Variants in EXOC6B observed in about 807,000 individuals in gnomAD.
EXOC6B encodes SEC15 homolog B.
In EXOC6B, 54 loss-of-function variants were observed where a neutral mutation model predicts 113.5. The ratio of observed to expected loss-of-function variants is 0.48; its 90% CI spans 0.38 to 0.60. The LOEUF is 0.60. EXOC6B is among the 20% of genes least tolerant of loss of function. EXOC6B has a pLI of 0.00. For synonymous variants in EXOC6B, 357 were observed against 339.0 expected (o/e 1.05, Z -0.58); for missense variants, 797 against 977.5 (o/e 0.82, Z 2.46).
At chr2:72,709,073 T>G (rs570993131) in intron 6 of EXOC6B, among the ~76,000 whole-genome samples, 13 of 151,884 alleles carry the variant, frequency 8.6e-5, no homozygotes, top group African/African-American at 3.1e-4. Context: ...AAAAACTACT[T>G]TAGGGTTATT....
At chr2:72,512,204 T>A (rs1700941168) in intron 11 of EXOC6B, among the ~76,000 whole-genome samples, 1 of 152,068 alleles carries the variant, frequency 6.6e-6, no homozygotes, top group South Asian at 2.1e-4. Context: ...TTGTTACATG[T>A]TTATTGGATA....
intron 20 of EXOC6B, among the ~76,000 whole-genome samples, chr2:72,209,287 C>T (rs1486115976): frequency 1.4e-5 from 2 of 147,582 alleles, no homozygotes; most frequent in African/African-American, 2.5e-5. Flanking sequence ...AATATTTAAT[C>T]TTACTTAGTT....
At chr2:72,466,261 CT>C (rs1180791724) in intron 17 of EXOC6B, among the ~76,000 whole-genome samples, 1 of 150,766 alleles carries the variant, frequency 6.6e-6, no homozygotes, top group African/African-American at 2.4e-5. Flanking sequence ...AGGAGAGTTG[CT>C]TGAACCCAGG....
chr2:72,406,115 C>G (rs1173392742), intron 18 of EXOC6B, among the ~76,000 whole-genome samples: 9 of 152,180 alleles, frequency 5.9e-5, no homozygotes, highest in Admixed American at 4.6e-4. Flanking sequence ...AAGGCCATTA[C>G]AGAATGGTAA....
chr2:72,685,743 C>T (rs1380656208), intron 6 of EXOC6B, among the ~76,000 whole-genome samples: 6 of 152,160 alleles, frequency 3.9e-5, no homozygotes, highest in African/African-American at 7.2e-5. Flanking sequence ...TTAAAGTATT[C>T]GCTTTCTCTC....
intron 19 of EXOC6B, among the ~76,000 whole-genome samples, chr2:72,364,442 G>A (rs1005651590): frequency 6.6e-6 from 1 of 152,102 alleles, no homozygotes; most frequent in Non-Finnish European, 1.5e-5. Context: ...CCCTTCAAAT[G>A]TTGGCTTCAA....
intron 20 of EXOC6B, among the ~76,000 whole-genome samples, chr2:72,298,666 T>C (rs893965342): frequency 1.3e-5 from 2 of 152,204 alleles, no homozygotes; most frequent in Admixed American, 6.5e-5. Context: ...CAGGAGCTCT[T>C]GTAAGGCAGG....
intron 6 of EXOC6B, among the ~76,000 whole-genome samples, chr2:72,710,469 T>A (rs921180994): frequency 6.6e-6 from 1 of 151,934 alleles, no homozygotes; most frequent in Admixed American, 6.6e-5. Context: ...AGACCATTCA[T>A]TTAGGCAAAA....
chr2:72,547,201 T>C (rs1485838894), intron 8 of EXOC6B, among the ~76,000 whole-genome samples: 7 of 152,200 alleles, frequency 4.6e-5, no homozygotes, highest in Admixed American at 4.6e-4. Context: ...TATTCTCAAT[T>C]CCCTTATATC....
intron 19 of EXOC6B, among the ~76,000 whole-genome samples, chr2:72,347,428 T>C (rs1689403059): frequency 6.6e-6 from 1 of 152,190 alleles, no homozygotes; most frequent in Admixed American, 6.6e-5. Context: ...TATCCGAAGC[T>C]ATGGCTATCT....
At chr2:72,379,669 C>T in intron 19 of EXOC6B, 60 bp downstream of exon 19, 1 of 1,522,352 alleles carries the variant, frequency 6.6e-7, no homozygotes, top group Non-Finnish European at 8.9e-7. Context: ...ACTTTTTTTC[C>T]CCTGACAGAA....
chr2:72,406,109 C>T (rs1429659854), intron 18 of EXOC6B, among the ~76,000 whole-genome samples: 1 of 152,060 alleles, frequency 6.6e-6, no homozygotes, highest in East Asian at 1.9e-4. Context: ...ACAAAGAAGG[C>T]CATTACAGAA....
At chr2:72,573,747 A>T (rs17008293) in intron 7 of EXOC6B, among the ~76,000 whole-genome samples, 31,889 of 152,156 alleles carry the variant, frequency 0.21, 5,338 homozygotes, top group African/African-American at 0.47. Context: ...TATAAACTTT[A>T]AAAATGATAA....
chr2:72,699,202 G>A (rs909309683), intron 6 of EXOC6B, among the ~76,000 whole-genome samples: 18 of 152,266 alleles, frequency 1.2e-4, no homozygotes, highest in South Asian at 4.1e-4. Context: ...AAACATGGCC[G>A]GGCGCGGTGG....
At chr2:72,627,260 G>C (rs1471383301) in intron 6 of EXOC6B, among the ~76,000 whole-genome samples, 1 of 152,104 alleles carries the variant, frequency 6.6e-6, no homozygotes, top group African/African-American at 2.4e-5. Context: ...TCAGATTACT[G>C]AAAGTCAAAC....
intron 1 of EXOC6B, among the ~76,000 whole-genome samples, chr2:72,787,976 A>G (rs1402663934): frequency 6.6e-6 from 1 of 152,222 alleles, no homozygotes; most frequent in Non-Finnish European, 1.5e-5. Flanking sequence ...CTTGGTATCC[A>G]CATTTTTACT....
chr2:72,177,632 T>C lies in EXOC6B; in HGVS notation c.*1703A>G. On this transcript the variant is annotated 3_prime_UTR_variant, in exon 22 of 22. Coordinates refer to ENST00000272427, the MANE Select transcript of EXOC6B (RefSeq NM_015189.3). ...TCACATGTAGCCTGGTCTCTCCAGC[T>C]TTGAGGAAATTTGTATGTCTGTGTG... 6.6e-6 allele frequency: 1 copy of C among 152,296 alleles called. No homozygotes were observed. Among genetic ancestry groups the C allele is most frequent in the Admixed American group, 6.5e-5 (1 of 15,296 alleles). 9.4% of individuals were successfully genotyped at this position (152,296 alleles called of 1,614,324 possible). A position where few individuals can be genotyped will look rare whatever the true frequency, so the allele number is the denominator to read the frequency against.
chr2:72,235,435 G>A (rs1039300394), intron 20 of EXOC6B, among the ~76,000 whole-genome samples: 4 of 152,074 alleles, frequency 2.6e-5, no homozygotes, highest in African/African-American at 9.7e-5. Flanking sequence ...GGAGAGGATC[G>A]AAAAACTACC....
chr2:72,743,036 C>T (rs1681429527), intron 1 of EXOC6B, among the ~76,000 whole-genome samples: 1 of 152,188 alleles, frequency 6.6e-6, no homozygotes, highest in Admixed American at 6.5e-5. Context: ...TAAAGGCACA[C>T]TATACAATTG....
Sources: allele counts gnomAD v4.1 joint callset (sites outside exome capture counted in the v4.1 genomes callset), GRCh38; gene constraint gnomAD v4.1.1; transcripts MANE v1.5; gene names NCBI Gene and HGNC (gene_info 2026-07-23, HGNC 2026-07-21).